Variants in TECPR2 observed in about 807,000 individuals in gnomAD.
TECPR2 encodes the protein tectonin beta-propeller repeat containing 2.
TECPR2 carries 65 observed loss-of-function variants against 138.1 expected under a neutral mutation model. The ratio of observed to expected loss-of-function variants is 0.47; its 90% CI spans 0.39 to 0.58. The LOEUF is 0.58. Among genes scored for constraint, TECPR2 ranks in the 20% least tolerant of loss-of-function variants. TECPR2 has a pLI of 0.00. For missense variants in TECPR2, 1,553 were observed against 1,824.5 expected (o/e 0.85, Z 2.71); for synonymous variants, 746 against 749.8 (o/e 0.99, Z 0.08).
rs1197880314 is a variant in TECPR2 at position 102,500,405 on chromosome 14, G to A, written c.*2148G>A. 6.6e-6 allele frequency: 1 copy of A among 152,290 alleles called. No homozygotes were observed. The highest frequency in any genetic ancestry group is 6.5e-5 in the Admixed American group (1 of 15,282). 9.4% of individuals were successfully genotyped at this position (152,290 alleles called of 1,614,324 possible). On this transcript the variant is annotated 3_prime_UTR_variant, in exon 20 of 20. Coordinates refer to ENST00000359520, the MANE Select transcript of TECPR2 (RefSeq NM_014844.5). ...CCCCATGGTAGCCTCTGAGGAGGAC[G>A]CTGTGGGGTGAGGTCCAGGGCTGCC...
chr14:102,488,820 G>A (rs896067248), intron 17 of TECPR2, among the ~76,000 whole-genome samples: 16 of 150,604 alleles, frequency 1.1e-4, no homozygotes, highest in African/African-American at 2.4e-4. Context: ...GAGATTTACC[G>A]TTAGTGACAG....
intron 2 of TECPR2, among the ~76,000 whole-genome samples, chr14:102,406,223 T>C (rs1002343542): frequency 6.6e-6 from 1 of 152,164 alleles, no homozygotes; most frequent in African/African-American, 2.4e-5. Flanking sequence ...ATACTGGTAA[T>C]TTTACGTTAT....
chr14:102,444,434 A>C (rs1173547092), intron 12 of TECPR2, among the ~76,000 whole-genome samples: 1 of 151,984 alleles, frequency 6.6e-6, no homozygotes, highest in African/African-American at 2.4e-5. Context: ...TCTTGGGCTC[A>C]AGCAATTCTC....
chr14:102,463,435 A>AAAAAG, intron 16 of TECPR2, among the ~76,000 whole-genome samples: 1 of 150,746 alleles, frequency 6.6e-6, no homozygotes. Context: ...AAAAAAAAAA[A>AAAAAG]AAAAGAAAAA....
At position 102,448,601 on chromosome 14, in the gene TECPR2, C is replaced by T. The variant is rs143237353; in HGVS notation, c.3076-1028C>T. Among the ~76,000 whole-genome samples the T allele has an allele frequency of 1.9e-3, 284 of 152,294 alleles. 1 individual carries two copies. Among genetic ancestry groups the T allele is most frequent in the African/African-American group, 6.5e-3 (272 of 41,558 alleles). On this transcript the variant is annotated intron_variant, in intron 13 of 19. Coordinates refer to ENST00000359520, the MANE Select transcript of TECPR2 (RefSeq NM_014844.5). ...TTCATCACAGCCTTGCATGGTGGCT[C>T]ACACCTGTAATCCCAGCACTTTGGG... is the stretch of plus-strand genomic sequence containing the variant.
chr14:102,400,993 A>G (rs1485200600), intron 2 of TECPR2, among the ~76,000 whole-genome samples: 1 of 152,118 alleles, frequency 6.6e-6, no homozygotes, highest in Non-Finnish European at 1.5e-5. Context: ...AGGTCACACC[A>G]TTGCACTCCA....
rs567207024 is a variant in TECPR2, at chr14:102,498,510, T to G, written c.*253T>G. On this transcript the variant is annotated 3_prime_UTR_variant, in exon 20 of 20. Transcript: ENST00000359520. The stretch of plus-strand genomic sequence containing the variant: ...GGACAGTGGCGACTGCCCGGCTGCA[T>G]GCACTCCGATTACCCACGTGCTGCC... 1.1e-3 allele frequency: 617 copies of G among 560,312 alleles called. 4 individuals carry two copies. The highest frequency in any genetic ancestry group is 0.011 in the African/African-American group (570 of 53,130). 34.7% of individuals were successfully genotyped at this position (560,312 alleles called of 1,614,324 possible).
At chr14:102,468,946 G>A (rs770330626) in intron 17 of TECPR2, among the ~76,000 whole-genome samples, 1 of 152,166 alleles carries the variant, frequency 6.6e-6, no homozygotes, top group Non-Finnish European at 1.5e-5. Flanking sequence ...TGGACTCTTA[G>A]TTATATCCCA....
chr14:102,413,204 A>C (rs1024583737), intron 4 of TECPR2, among the ~76,000 whole-genome samples: 5 of 152,068 alleles, frequency 3.3e-5, no homozygotes, highest in African/African-American at 1.2e-4. Context: ...TATACCCAAA[A>C]AGGGACGAAA....
At chr14:102,396,084 T>G (rs1888306813) in intron 2 of TECPR2, among the ~76,000 whole-genome samples, 1 of 151,182 alleles carries the variant, frequency 6.6e-6, no homozygotes, top group East Asian at 2.0e-4. Context: ...ATACCTTTCT[T>G]GTTGAAGTTC....
At chr14:102,386,713 T>A (rs1888015952) in intron 2 of TECPR2, among the ~76,000 whole-genome samples, 1 of 152,176 alleles carries the variant, frequency 6.6e-6, no homozygotes, top group Non-Finnish European at 1.5e-5. Flanking sequence ...AAATTTTTGG[T>A]ACATATTACA....
chr14:102,394,338 G>A (rs1888259731), intron 2 of TECPR2, among the ~76,000 whole-genome samples: 1 of 152,190 alleles, frequency 6.6e-6, no homozygotes, highest in Non-Finnish European at 1.5e-5. Flanking sequence ...AGGCACGGTG[G>A]CTCACACCTG....
intron 16 of TECPR2, among the ~76,000 whole-genome samples, chr14:102,456,915 A>C (rs1595136113): frequency 1.3e-5 from 2 of 151,714 alleles, no homozygotes; most frequent in East Asian, 3.9e-4. Flanking sequence ...GTTGAGACTC[A>C]ATCTCACTGA....
At chr14:102,447,351 C>T (rs1224689123) in intron 13 of TECPR2, among the ~76,000 whole-genome samples, 1 of 152,080 alleles carries the variant, frequency 6.6e-6, no homozygotes, top group Non-Finnish European at 1.5e-5. Context: ...TCAAGCAATC[C>T]TCCCACCTTG....
At position 102,500,296 on chromosome 14, in the gene TECPR2, G is replaced by C. The variant is rs972288221; in HGVS notation, c.*2039G>C. On this transcript the variant is annotated 3_prime_UTR_variant, in exon 20 of 20. Transcript: ENST00000359520. ...ACAGGGAGAGTGCGTCAGCAGACCT[G>C]TCCTGGCCTGGCTGGTGTTGAAATA... The C allele has an allele frequency of 6.6e-6, 1 of 152,584 alleles. No individual in the cohort carries two copies. The highest frequency in any genetic ancestry group is 2.1e-4 in the South Asian group (1 of 4,832). 9.5% of individuals were successfully genotyped at this position (152,584 alleles called of 1,614,324 possible). A position where few individuals can be genotyped will look rare whatever the true frequency, so the allele number is the denominator to read the frequency against.
rs1887649919 is a variant in TECPR2 at position 102,376,801 on chromosome 14, TC to T, written c.82del (p.Gln28ArgfsTer40). ...CTCCTCAATGCCATTCCGACAAAGA[TC>T]CAGAAGGGTTTCCGCTCTATCGTGG... ...YYLLNAIPTK[I>X]QKGFRSIVVY... On this transcript the variant is annotated frameshift_variant, in exon 2 of 20. Coordinates refer to ENST00000359520, the MANE Select transcript of TECPR2 (RefSeq NM_014844.5). LOFTEE classifies it high-confidence loss of function. 2 of 1,614,064 alleles carry T rather than the reference TC, an allele frequency of 1.2e-6. No individual in the cohort carries two copies. The highest frequency in any genetic ancestry group is 1.7e-6 in the Non-Finnish European group (2 of 1,180,036).
intron 17 of TECPR2, among the ~76,000 whole-genome samples, chr14:102,480,503 C>T (rs571403019): frequency 1.3e-3 from 194 of 152,080 alleles, no homozygotes; most frequent in African/African-American, 4.4e-3. Context: ...GGATTACAGG[C>T]GTGAGCCACC....
At chr14:102,481,116 G>C (rs1890885343) in intron 17 of TECPR2, among the ~76,000 whole-genome samples, 1 of 151,626 alleles carries the variant, frequency 6.6e-6, no homozygotes, top group African/African-American at 2.4e-5. Context: ...GGGTTCAAGT[G>C]GTCCTCCCAC....
chr14:102,450,721 G>C (rs1293819758), intron 15 of TECPR2, 72 bp downstream of exon 15: 2 of 1,464,856 alleles, frequency 1.4e-6, no homozygotes, highest in South Asian at 1.2e-5. Context: ...AACCACAGTC[G>C]GACTGTGGCC....
Sources: allele counts gnomAD v4.1 joint callset (sites outside exome capture counted in the v4.1 genomes callset), GRCh38; gene constraint gnomAD v4.1.1; transcripts MANE v1.5; gene names NCBI Gene and HGNC (gene_info 2026-07-23, HGNC 2026-07-21).